The following CAMSAP2 variants were observed in gnomAD, a reference collection of about 807,000 sequenced individuals.
CAMSAP2 encodes the protein calmodulin-regulated spectrin-associated protein 2.
CAMSAP2 carries 26 observed loss-of-function variants against 146.1 expected under a neutral mutation model. The ratio of observed to expected loss-of-function variants is 0.18; its 90% CI spans 0.13 to 0.25. The LOEUF (loss-of-function observed/expected upper bound fraction) is 0.25. Ranked by LOEUF, CAMSAP2 falls within the 10% of genes least tolerant of loss-of-function variation. The probability of loss-of-function intolerance (pLI) is 1.00; values close to 1 mark genes in which losing one functional copy is unlikely to be tolerated. For missense variants in CAMSAP2, 1,381 were observed against 1,759.3 expected (o/e 0.78, Z 3.85); for synonymous variants, 499 against 596.6 (o/e 0.84, Z 2.38).
chr1:200,854,902 CGT>C lies in CAMSAP2; in HGVS notation c.3896+14_3896+15del, dbSNP rs763311677. On this transcript the variant is annotated intron_variant, in intron 14 of 16. Coordinates refer to ENST00000358823, the MANE Select transcript of CAMSAP2 (RefSeq NM_203459.4). ...AGAGGACGCCAAGGTAAATCTATAA[CGT>C]ATGAATATTTTTACAGAAAAGAATA... 1 of 1,581,940 alleles carries C rather than the reference CGT, an allele frequency of 6.3e-7. No homozygotes were observed. The highest frequency in any genetic ancestry group is 1.4e-5 in the African/African-American group (1 of 74,010).
intron 2 of CAMSAP2, among the ~76,000 whole-genome samples, chr1:200,800,181 G>C (rs993860934): frequency 3.3e-5 from 5 of 152,074 alleles, no homozygotes; most frequent in African/African-American, 1.2e-4. Context: ...ATGTCTATTA[G>C]GTCTGCTTGG....
At position 200,792,621 on chromosome 1, in the gene CAMSAP2, G is replaced by T. The variant is rs527284879; in HGVS notation, c.400-14755G>T. Reference sequence around the variant, plus strand: ...GATGGCACCACTGCGCTCCAGCCTGGATGACAAAGCAAGAGACTCCGTCTC... The same window carrying T: ...GATGGCACCACTGCGCTCCAGCCTGTATGACAAAGCAAGAGACTCCGTCTC... On this transcript the variant is annotated intron_variant, in intron 2 of 16. Transcript: ENST00000358823. Among the ~76,000 whole-genome samples the T allele has an allele frequency of 3.3e-5, 5 of 152,354 alleles. No individual in the cohort carries two copies. The East Asian group carries it at 9.6e-4, about 29-fold the overall frequency.
chr1:200,739,676 C>G lies in CAMSAP2; in HGVS notation c.-152C>G. 3.3e-6 allele frequency: 2 copies of G among 608,996 alleles called. No homozygotes were observed. Among genetic ancestry groups the G allele is most frequent in the Non-Finnish European group, 2.4e-6 (1 of 416,468 alleles). The allele number at this position is 608,996 out of a possible 1,614,324, so 37.7% of individuals were successfully genotyped here. A position where few individuals can be genotyped will look rare whatever the true frequency, so the allele number is the denominator to read the frequency against. ...GGAGGCGGCAGGCGCGCGGCGCGGA[C>G]AGCTGAGCTTCTCCTCCGTCGGCGC... On this transcript the variant is annotated 5_prime_UTR_variant, in exon 1 of 17. Transcript: ENST00000358823. The surrounding 1 kb of genome is among the most constrained non-coding windows in gnomAD (Gnocchi z 4.8).
intron 1 of CAMSAP2, 67 bp from the exon 2 acceptor site, chr1:200,760,772 A>C: frequency 1.8e-6 from 2 of 1,123,104 alleles, no homozygotes; most frequent in Non-Finnish European, 2.5e-6. Context: ...AATAATAATT[A>C]TTAATTAAAT....
chr1:200,828,550 T>G (rs1345331515), intron 4 of CAMSAP2: 7 of 1,549,916 alleles, frequency 4.5e-6, no homozygotes, highest in South Asian at 1.2e-5. Context: ...CTTTCCCCTT[T>G]TTTCCCGCTG....
At chr1:200,850,307 C>A in intron 11 of CAMSAP2, 73 bp downstream of exon 11, 1 of 1,264,668 alleles carries the variant, frequency 7.9e-7, no homozygotes, top group South Asian at 1.7e-5. Context: ...TTTTTTTTTT[C>A]AGTTGACATG....
intron 1 of CAMSAP2, among the ~76,000 whole-genome samples, chr1:200,746,800 A>G (rs1198263711): frequency 6.6e-6 from 1 of 151,740 alleles, no homozygotes; most frequent in Non-Finnish European, 1.5e-5. Context: ...TTGTATTTTT[A>G]GTAGAGACGG....
chr1:200,829,591 A>C (rs1162873327), intron 4 of CAMSAP2, among the ~76,000 whole-genome samples: 2 of 152,110 alleles, frequency 1.3e-5, no homozygotes, highest in African/African-American at 4.8e-5. Context: ...TAAACCACTT[A>C]AGAACTATTT....
rs773411315 is a variant in CAMSAP2, at chr1:200,849,217, T to C, written c.2448T>C (p.Asp816=). The change falls in exon 11 of 17, where the codon GAT becomes GAC. Residue 816 remains aspartate, a synonymous_variant. Transcript: ENST00000358823. The surrounding 1 kb of genome is among the most constrained non-coding windows in gnomAD (Gnocchi z 6.3). ...CAGAAGATGAGAAAGTATATACTGA[T>C]CGAGCAAAAGAAAAGGAATCACAAA... is the stretch of plus-strand genomic sequence containing the variant. The part of the protein sequence containing the change: ...AGAEDEKVYT[D]RAKEKESQKT... 5 of 1,613,664 alleles carry C rather than the reference T, an allele frequency of 3.1e-6. No individual in the cohort carries two copies. In the South Asian group the frequency reaches 5.5e-5, roughly 18 times the overall value.
At position 200,844,850 on chromosome 1, in the gene CAMSAP2, A is replaced by T. The variant is rs758641470; in HGVS notation, c.1090A>T (p.Ser364Cys). 117 of 1,585,456 alleles carry T rather than the reference A, an allele frequency of 7.4e-5. No homozygotes were observed. The highest frequency in any genetic ancestry group is 9.1e-5 in the Non-Finnish European group (106 of 1,166,402). ...TGCCAAAAGAAATGTCTTAGATAGT[A>T]GTTCTGACTTCCCTTCAAGGTAAAC... ...NAAKRNVLDS[S>C]SDFPSSGEGA... The change falls in exon 8 of 17, where the codon AGT becomes TGT. Residue 364 changes from serine to cysteine, a missense_variant. Transcript: ENST00000358823.
At chr1:200,804,466 C>T (rs543101804) in intron 2 of CAMSAP2, among the ~76,000 whole-genome samples, 35 of 151,950 alleles carry the variant, frequency 2.3e-4, no homozygotes, top group African/African-American at 7.7e-4. Context: ...CGTTTTTATC[C>T]TCTCTCATGT....
chr1:200,857,698 C>T lies in CAMSAP2; in HGVS notation c.4132-56C>T, dbSNP rs1247819899. 8.6e-6 allele frequency: 12 copies of T among 1,388,856 alleles called. No individual in the cohort carries two copies. The East Asian group carries it at 2.8e-4, about 32-fold the overall frequency. The allele number at this position is 1,388,856 out of a possible 1,614,324, so 86.0% of individuals were successfully genotyped here. ...ACATAATTATATAAACTTTATTCAGCAAAATAAAGGGTTTTTATTCGTGTT... is the reference window on the plus strand; with the variant it reads ...ACATAATTATATAAACTTTATTCAGTAAAATAAAGGGTTTTTATTCGTGTT... On this transcript the variant is annotated intron_variant, in intron 16 of 16. Coordinates refer to ENST00000358823, the MANE Select transcript of CAMSAP2 (RefSeq NM_203459.4). The surrounding 1 kb of genome is among the most constrained non-coding windows in gnomAD (Gnocchi z 4.7).
At position 200,857,510 on chromosome 1, in the gene CAMSAP2, C is replaced by T. The variant is rs1667778217; in HGVS notation, c.4131+86C>T. ...GAGAATGTACTCTCATGGGCCTAGA[C>T]TTTCAACAGCATGTAAAAAGATCTG... is the stretch of plus-strand genomic sequence containing the variant. On this transcript the variant is annotated intron_variant, in intron 16 of 16. Coordinates refer to ENST00000358823, the MANE Select transcript of CAMSAP2 (RefSeq NM_203459.4). This position sits in a 1 kb window ranked among gnomAD's most constrained non-coding sequence, Gnocchi z 4.7. 3 of 917,708 alleles carry T rather than the reference C, an allele frequency of 3.3e-6. No individual in the cohort carries two copies. Among genetic ancestry groups the T allele is most frequent in the Middle Eastern group, 4.4e-4 (2 of 4,520 alleles). 56.8% of individuals were successfully genotyped at this position (917,708 alleles called of 1,614,324 possible). A position where few individuals can be genotyped will look rare whatever the true frequency, so the allele number is the denominator to read the frequency against.
chr1:200,856,475 A>C (rs563576614), intron 15 of CAMSAP2, among the ~76,000 whole-genome samples: 1 of 152,230 alleles, frequency 6.6e-6, no homozygotes, highest in Non-Finnish European at 1.5e-5. Flanking sequence ...GTGCACCTTT[A>C]GCAAGTATTA....
intron 3 of CAMSAP2, among the ~76,000 whole-genome samples, chr1:200,811,611 T>G (rs536749463): frequency 6.6e-6 from 1 of 152,284 alleles, no homozygotes; most frequent in South Asian, 2.1e-4. Flanking sequence ...AACAGATGCT[T>G]TATATATTTT....
At chr1:200,813,202 G>A (rs985247233) in intron 3 of CAMSAP2, among the ~76,000 whole-genome samples, 1 of 152,182 alleles carries the variant, frequency 6.6e-6, no homozygotes. Context: ...GTGTCCTCAC[G>A]TGGCCGAAAG....
chr1:200,850,779 A>G (rs1667599570), intron 11 of CAMSAP2, among the ~76,000 whole-genome samples: 2 of 152,148 alleles, frequency 1.3e-5, no homozygotes, highest in Non-Finnish European at 2.9e-5. Flanking sequence ...CAGCTTCTTG[A>G]CTGGGCTGTC....
intron 1 of CAMSAP2, among the ~76,000 whole-genome samples, chr1:200,755,985 C>T (rs968431563): frequency 3.9e-5 from 6 of 152,148 alleles, no homozygotes; most frequent in African/African-American, 1.4e-4. Context: ...AGTGCATGGG[C>T]CAAAAGGTCT....
rs1003407122 is a variant in CAMSAP2, at chr1:200,765,010, A to G, written c.399+3912A>G. Among the ~76,000 whole-genome samples, 5 of 152,150 alleles carry G rather than the reference A, an allele frequency of 3.3e-5. No homozygotes were observed. In the South Asian group the frequency reaches 1.0e-3, roughly 32 times the overall value. On this transcript the variant is annotated intron_variant, in intron 2 of 16. Coordinates refer to ENST00000358823, the MANE Select transcript of CAMSAP2 (RefSeq NM_203459.4). ...TCCCAGCTACATGGGAGGTTGAGGCAGGAGAATCACTTGAAACCGGGAGAA... is the reference window on the plus strand; with the variant it reads ...TCCCAGCTACATGGGAGGTTGAGGCGGGAGAATCACTTGAAACCGGGAGAA...
Sources: gnomAD v4.1 joint callset for allele counts (sites outside exome capture counted in the v4.1 genomes callset) on GRCh38, gnomAD v4.1.1 for gene constraint, Gnocchi (gnomAD v3.1) non-coding constraint, MANE v1.5 for transcripts, NCBI Gene and HGNC (gene_info 2026-07-23, HGNC 2026-07-21) for gene names.